BUB1B: variants seen among roughly 807,000 people sequenced by gnomAD.
BUB1B encodes mitotic checkpoint serine/threonine-protein kinase BUB1 beta.
Under a neutral mutation model 137.7 loss-of-function variants are expected in BUB1B, and 86 were observed. The ratio of observed to expected loss-of-function variants is 0.62; its 90% CI spans 0.52 to 0.75. The LOEUF (loss-of-function observed/expected upper bound fraction) is 0.75, where lower values mean the gene tolerates loss of function less well. Among genes scored for constraint, BUB1B ranks in the 30% least tolerant of loss-of-function variants. The probability of loss-of-function intolerance (pLI) is 0.00; values close to 1 mark genes in which losing one functional copy is unlikely to be tolerated. For missense variants in BUB1B, 1,130 were observed against 1,236.9 expected (o/e 0.91, Z 1.30); for synonymous variants, 420 against 417.9 (o/e 1.00, Z -0.06).
chr15:40,206,584 C>A, intron 15 of BUB1B, 126 bp downstream of exon 15: 1 of 1,207,742 alleles, frequency 8.3e-7, no homozygotes, highest in Non-Finnish European at 1.2e-6. Context: ...AAGTGCTTTA[C>A]ATGAGAGTAG....
intron 18 of BUB1B, 141 bp from the exon 19 acceptor site, chr15:40,212,358 T>G: frequency 1.5e-6 from 1 of 661,458 alleles, no homozygotes; most frequent in Non-Finnish European, 2.6e-6. Flanking sequence ...GTTGTTATTG[T>G]GTCTTTTATA....
chr15:40,217,707 T>C (rs762704078), intron 21 of BUB1B, 40 bp downstream of exon 21: 1 of 1,606,844 alleles, frequency 6.2e-7, no homozygotes, highest in South Asian at 1.1e-5. Context: ...GGAGAGGGTT[T>C]CTTAATCTCT....
At chr15:40,220,539 T>A in intron 22 of BUB1B, 25 bp from the exon 23 acceptor site, 1 of 1,611,006 alleles carries the variant, frequency 6.2e-7, no homozygotes. Context: ...CTAATCTTGA[T>A]GGAAATGGTT....
rs200060772 is a variant in BUB1B, at chr15:40,208,699, C to T, written c.2072C>T (p.Ser691Leu). ...HSSGFSGSSASVASTSSIKCL... is the reference protein window; with the variant it reads ...HSSGFSGSSALVASTSSIKCL... ...TCTGGCTTCTCTGGTTCTTCTGCCTCGGTTGCAAGCACCTCCTCCATCAAA... is the reference window on the plus strand; with the variant it reads ...TCTGGCTTCTCTGGTTCTTCTGCCTTGGTTGCAAGCACCTCCTCCATCAAA... Residue 691 changes from serine to leucine, a missense_variant, in exon 16 of 23, where the codon TCG (serine) becomes TTG (leucine). Ser to Leu is a moderately radical substitution (Grantham distance 145). Coordinates refer to ENST00000287598, the MANE Select transcript of BUB1B (RefSeq NM_001211.6). 1.4e-5 allele frequency: 22 copies of T among 1,613,692 alleles called. No homozygotes were observed. The highest frequency in any genetic ancestry group is 5.3e-5 in the African/African-American group (4 of 75,062).
In BUB1B at chr15:40,200,042, T is replaced by C. The variant is rs144347737; in HGVS notation, c.1402-202T>C. On this transcript the variant is annotated intron_variant, in intron 10 of 22. Coordinates refer to ENST00000287598, the MANE Select transcript of BUB1B (RefSeq NM_001211.6). ...TGGGATTGCCTAAAGAAATTTAGTA[T>C]ATGCCTGGCACTGCTCAGTTGAGTA... is the stretch of plus-strand genomic sequence containing the variant. The C allele has an allele frequency of 2.4e-3, 1,433 of 608,718 alleles. 28 individuals are homozygous for C. The Admixed American group carries it at 0.027, about 11-fold the overall frequency. The allele number at this position is 608,718 out of a possible 1,614,324, so 37.7% of individuals were successfully genotyped here. A position where few individuals can be genotyped will look rare whatever the true frequency, so the allele number is the denominator to read the frequency against.
Position 40,206,322 on chromosome 15 carries a change from A to T in BUB1B, c.1873A>T (p.Ile625Leu), listed in dbSNP as rs1431396417. 1 of 1,614,164 alleles carries T rather than the reference A, an allele frequency of 6.2e-7. No individual in the cohort carries two copies. Among genetic ancestry groups the T allele is most frequent in the Non-Finnish European group, 8.5e-7 (1 of 1,180,034 alleles). ...ARFVSTPFHE[I>L]MSLKDLPSDP... The stretch of plus-strand genomic sequence containing the variant: ...TTTTGTATCCACTCCTTTTCATGAG[A>T]TAATGTCCTTGAAGGATCTCCCTTC... Residue 625 changes from isoleucine to leucine, a missense_variant, in exon 15 of 23, where the codon ATA becomes TTA. Transcript: ENST00000287598.
At chr15:40,182,203 C>G (rs970362884) in intron 5 of BUB1B, among the ~76,000 whole-genome samples, 6 of 152,142 alleles carry the variant, frequency 3.9e-5, no homozygotes, top group Non-Finnish European at 8.8e-5. Flanking sequence ...GACTCCATCT[C>G]AAAAAACAAA....
chr15:40,163,514 T>C (rs2037061896), intron 1 of BUB1B, among the ~76,000 whole-genome samples: 1 of 152,200 alleles, frequency 6.6e-6, no homozygotes, highest in African/African-American at 2.4e-5. Context: ...TACTATTTGT[T>C]TTTTGAACTT....
intron 2 of BUB1B, among the ~76,000 whole-genome samples, chr15:40,167,040 C>T (rs1246128586): frequency 6.6e-6 from 1 of 151,976 alleles, no homozygotes; most frequent in Non-Finnish European, 1.5e-5. Context: ...ATTCAAGTTT[C>T]AGGAGCATAG....
chr15:40,210,008 G>A, intron 17 of BUB1B, 102 bp from the exon 18 acceptor site: 1 of 1,046,724 alleles, frequency 9.6e-7, no homozygotes, highest in Non-Finnish European at 1.5e-6. Flanking sequence ...ACTACTAACT[G>A]GCAAATACAC....
At chr15:40,188,526 T>C (rs1389508191) in intron 8 of BUB1B, among the ~76,000 whole-genome samples, 1 of 152,032 alleles carries the variant, frequency 6.6e-6, no homozygotes, top group Non-Finnish European at 1.5e-5. Context: ...GTCTTTTGGC[T>C]TCATGTAGCA....
chr15:40,189,605 T>C (rs1010699519), intron 8 of BUB1B, among the ~76,000 whole-genome samples: 1 of 152,254 alleles, frequency 6.6e-6, no homozygotes, highest in African/African-American at 2.4e-5. Context: ...TATTTAACCA[T>C]TCATCAGTTG....
chr15:40,166,751 C>T (rs1283163348), intron 2 of BUB1B, among the ~76,000 whole-genome samples: 1 of 152,222 alleles, frequency 6.6e-6, no homozygotes, highest in Non-Finnish European at 1.5e-5. Context: ...TTTTACATTT[C>T]TACCAGCAAC....
chr15:40,218,421 A>C, intron 21 of BUB1B, 35 bp from the exon 22 acceptor site: 1 of 1,507,466 alleles, frequency 6.6e-7, no homozygotes, highest in Non-Finnish European at 9.2e-7. Context: ...GAGGCAGAGA[A>C]TTATTTTAGC....
chr15:40,174,258 T>TA (rs1295038495), intron 4 of BUB1B, among the ~76,000 whole-genome samples: 4 of 152,214 alleles, frequency 2.6e-5, no homozygotes, highest in Non-Finnish European at 4.4e-5. Context: ...CATTCAGAGT[T>TA]ATAACTTTTC....
chr15:40,218,705 C>T, intron 22 of BUB1B, 143 bp downstream of exon 22: 2 of 708,176 alleles, frequency 2.8e-6, no homozygotes, highest in South Asian at 3.1e-5. Flanking sequence ...ATTAGAGTAT[C>T]AGCAGAGCAG....
At chr15:40,218,408 G>A (rs754567592) in intron 21 of BUB1B, 48 bp from the exon 22 acceptor site, 1 of 1,368,118 alleles carries the variant, frequency 7.3e-7, no homozygotes, top group Non-Finnish European at 1.0e-6. Flanking sequence ...AGCTGCCATG[G>A]TAGAGGCAGA....
chr15:40,176,463 C>T lies in BUB1B; in HGVS notation c.385-14C>T. The T allele has an allele frequency of 6.2e-7, 1 of 1,613,618 alleles. No homozygotes were observed. Reference sequence around the variant, plus strand: ...TGAGTAGAAATTGGTTAACTGTTAACACTTCTGTTACAGGGGCGTTTATGC... The same window carrying T: ...TGAGTAGAAATTGGTTAACTGTTAATACTTCTGTTACAGGGGCGTTTATGC... On this transcript the variant is annotated splice_polypyrimidine_tract_variant and intron_variant, in intron 4 of 22. Transcript: ENST00000287598.
At chr15:40,187,098 C>T (rs1175241987) in intron 8 of BUB1B, 1 of 148,912 alleles carries the variant, frequency 6.7e-6, no homozygotes, top group Non-Finnish European at 1.5e-5. Context: ...CCAGCCTGGG[C>T]AACATAGCAA....
Sources: gnomAD v4.1 joint callset for allele counts (sites outside exome capture counted in the v4.1 genomes callset) on GRCh38, gnomAD v4.1.1 for gene constraint, MANE v1.5 for transcripts, NCBI Gene and HGNC (gene_info 2026-07-23, HGNC 2026-07-21) for gene names.